Variants in CPD observed in about 807,000 individuals in gnomAD.
The protein encoded by CPD is metallocarboxypeptidase D.
In CPD, 69 loss-of-function variants were observed where a neutral mutation model predicts 138.3. That is an observed-to-expected ratio of 0.50 (90% CI 0.41 to 0.61). The LOEUF (loss-of-function observed/expected upper bound fraction) is 0.61. CPD is among the 20% of genes least tolerant of loss of function. The pLI is 0.00. For missense variants in CPD, 1,432 were observed against 1,733.3 expected, an observed-to-expected ratio of 0.83 and a Z score of 3.09; for synonymous variants, 651 against 642.1, an observed-to-expected ratio of 1.01 and a Z score of -0.21.
chr17:30,458,479 T>C (rs2143505198), intron 17 of CPD, among the ~76,000 whole-genome samples: 1 of 152,274 alleles, frequency 6.6e-6, no homozygotes, highest in Non-Finnish European at 1.5e-5. Context: ...TTCTTTTTTT[T>C]GGAGGGCAAA....
At chr17:30,455,133 C>G in intron 14 of CPD, 1 of 507,592 alleles carries the variant, frequency 2.0e-6, no homozygotes, top group Non-Finnish European at 3.5e-6. Flanking sequence ...ATATACACAT[C>G]CTGAAGTACA....
Position 30,467,562 on chromosome 17 carries a change from T to G in CPD, c.*2748T>G, listed in dbSNP as rs1913676830. The G allele has an allele frequency of 1.3e-5, 2 of 152,188 alleles. No homozygotes were observed. Among genetic ancestry groups the G allele is most frequent in the South Asian group, 4.1e-4 (2 of 4,832 alleles). The allele number at this position is 152,188 out of a possible 1,614,324, so 9.4% of individuals were successfully genotyped here. On this transcript the variant is annotated 3_prime_UTR_variant, in exon 21 of 21. Coordinates refer to ENST00000225719, the MANE Select transcript of CPD (RefSeq NM_001304.5). ...GTCATCTTCCAGAAAGGAAACATAT[T>G]GTATATTTGGCCCAGTGTGATTGAT... is the stretch of plus-strand genomic sequence containing the variant.
intron 2 of CPD, among the ~76,000 whole-genome samples, chr17:30,403,534 G>T (rs1459963052): frequency 6.6e-6 from 1 of 152,078 alleles, no homozygotes; most frequent in Non-Finnish European, 1.5e-5. Flanking sequence ...GGAAAGAAAG[G>T]ATGTGCAATA....
chr17:30,435,691 A>G (rs1399793245), intron 8 of CPD, among the ~76,000 whole-genome samples: 2 of 152,178 alleles, frequency 1.3e-5, no homozygotes, highest in African/African-American at 4.8e-5. Flanking sequence ...AAAAAACTGT[A>G]TTTGTTTCCT....
chr17:30,400,721 G>A (rs899267523), intron 2 of CPD, among the ~76,000 whole-genome samples: 3 of 136,500 alleles, frequency 2.2e-5, no homozygotes, highest in Non-Finnish European at 3.1e-5. Context: ...TGCATGGCGC[G>A]ATCTCAGCTC....
intron 17 of CPD, among the ~76,000 whole-genome samples, chr17:30,459,188 A>ATTTTTTTTTTTTTTTTTTTTT (rs1913391160): frequency 1.5e-5 from 1 of 66,612 alleles, no homozygotes; most frequent in Admixed American, 1.6e-4. Flanking sequence ...CTTTTTTTTA[A>ATTTTTTTTTTTTTTTTTTTTT]TTTATTTTTT....
intron 2 of CPD, among the ~76,000 whole-genome samples, chr17:30,410,317 G>C (rs1426986130): frequency 6.6e-6 from 1 of 152,170 alleles, no homozygotes; most frequent in Non-Finnish European, 1.5e-5. Context: ...ATGATGCTGA[G>C]AAGAATGTAT....
At chr17:30,411,416 T>C (rs1911965008) in intron 2 of CPD, among the ~76,000 whole-genome samples, 1 of 152,352 alleles carries the variant, frequency 6.6e-6, no homozygotes, top group South Asian at 2.1e-4. Flanking sequence ...CCTTGCTAGG[T>C]TGGAGAAGTT....
intron 2 of CPD, among the ~76,000 whole-genome samples, chr17:30,416,492 C>T (rs1912110570): frequency 6.6e-6 from 1 of 152,206 alleles, no homozygotes; most frequent in African/African-American, 2.4e-5. Flanking sequence ...GTTCCTACTG[C>T]ACTTAGAATA....
chr17:30,469,410 T>A lies in CPD; in HGVS notation c.*4596T>A, dbSNP rs1385650010. The A allele has an allele frequency of 6.6e-6, 1 of 152,234 alleles. No homozygotes were observed. The highest frequency in any genetic ancestry group is 1.9e-4 in the East Asian group (1 of 5,202). 9.4% of individuals were successfully genotyped at this position (152,234 alleles called of 1,614,324 possible). A position where few individuals can be genotyped will look rare whatever the true frequency, so the allele number is the denominator to read the frequency against. On this transcript the variant is annotated 3_prime_UTR_variant, in exon 21 of 21. Coordinates refer to ENST00000225719, the MANE Select transcript of CPD (RefSeq NM_001304.5). ...ATTCTCTGAGCCTCAGTTTCTCTAC[T>A]GGTTGAATAATCCTTGATAGGATTG... is the stretch of plus-strand genomic sequence containing the variant.
intron 18 of CPD, 138 bp downstream of exon 18, chr17:30,461,449 A>G (rs1039923113): frequency 8.2e-6 from 5 of 611,318 alleles, no homozygotes; most frequent in South Asian, 6.0e-5. Flanking sequence ...TGGTCATTTT[A>G]TGTTTCCTAA....
chr17:30,454,907 C>T (rs914593005), intron 14 of CPD: 2 of 155,996 alleles, frequency 1.3e-5, no homozygotes, highest in African/African-American at 4.8e-5. Flanking sequence ...TGGCAAAGAC[C>T]CGCCCCCATG....
chr17:30,439,608 T>C (rs1258775233), intron 9 of CPD, among the ~76,000 whole-genome samples: 1 of 120,704 alleles, frequency 8.3e-6, no homozygotes, highest in Non-Finnish European at 1.7e-5. Context: ...CTTTCCTGTG[T>C]CCATGTGATC....
chr17:30,407,565 A>G (rs1296350072), intron 2 of CPD, among the ~76,000 whole-genome samples: 1 of 152,194 alleles, frequency 6.6e-6, no homozygotes, highest in Non-Finnish European at 1.5e-5. Flanking sequence ...TCTGATGACC[A>G]GTGATGATGA....
At chr17:30,392,790 T>C (rs1157637136) in intron 2 of CPD, among the ~76,000 whole-genome samples, 1 of 152,242 alleles carries the variant, frequency 6.6e-6, no homozygotes, top group Non-Finnish European at 1.5e-5. Context: ...GTTTCAGTTA[T>C]TTGCAGTGAG....
chr17:30,393,954 G>A (rs1334419129), intron 2 of CPD, among the ~76,000 whole-genome samples: 1 of 151,922 alleles, frequency 6.6e-6, no homozygotes, highest in East Asian at 1.9e-4. Context: ...CTGGGCAACT[G>A]GTGAGACCTC....
At chr17:30,452,515 G>A (rs568918777) in intron 14 of CPD, among the ~76,000 whole-genome samples, 1 of 149,462 alleles carries the variant, frequency 6.7e-6, no homozygotes, top group Admixed American at 6.7e-5. Context: ...CGGGTGATCC[G>A]CCTGCCCAGC....
intron 2 of CPD, among the ~76,000 whole-genome samples, chr17:30,417,335 T>G (rs986228340): frequency 5.3e-5 from 8 of 152,142 alleles, no homozygotes; most frequent in African/African-American, 1.9e-4. Flanking sequence ...AGGTGCTCAA[T>G]AAATATTTGC....
intron 2 of CPD, among the ~76,000 whole-genome samples, chr17:30,398,981 T>C (rs1308509109): frequency 6.6e-6 from 1 of 151,980 alleles, no homozygotes; most frequent in Non-Finnish European, 1.5e-5. Flanking sequence ...TTTGCTACTC[T>C]TCAGACATTT....
Sources: allele counts gnomAD v4.1 joint callset (sites outside exome capture counted in the v4.1 genomes callset), GRCh38; gene constraint gnomAD v4.1.1; transcripts MANE v1.5; gene names NCBI Gene and HGNC (gene_info 2026-07-23, HGNC 2026-07-21).